Variants in CRTC1 observed in about 807,000 individuals in gnomAD.
The protein encoded by CRTC1 is CREB regulated transcription coactivator 1, also known as CREB-regulated transcription coactivator 1.
A neutral mutation model predicts 66.1 loss-of-function variants in CRTC1; 18 were observed. The observed-to-expected ratio is 0.27, with a 90% CI of 0.19 to 0.40. The LOEUF (loss-of-function observed/expected upper bound fraction) is 0.40, where lower values mean the gene tolerates loss of function less well. Among genes scored for constraint, CRTC1 ranks in the 10% least tolerant of loss-of-function variants. The probability of loss-of-function intolerance (pLI) is 1.00; values close to 1 mark genes in which losing one functional copy is unlikely to be tolerated. For synonymous variants in CRTC1, 416 were observed against 398.8 expected, an observed-to-expected ratio of 1.04 and a Z score of -0.51; for missense variants, 669 against 887.9, an observed-to-expected ratio of 0.75 and a Z score of 3.13.
intron 5 of CRTC1, among the ~76,000 whole-genome samples, chr19:18,751,949 A>G (rs56100221): frequency 0.19 from 29,528 of 151,946 alleles, 3,068 homozygotes; most frequent in Non-Finnish European, 0.23. Flanking sequence ...AGATTGCTTG[A>G]GATCAAGAGT....
rs752659232 is a variant in CRTC1 at position 18,760,213 on chromosome 19, G to C, written c.871G>C (p.Gly291Arg). The change falls in exon 8 of 14, where the codon GGT (glycine) becomes CGT (arginine). Residue 291 changes from glycine to arginine, a missense_variant. Around this residue, in one of 8 missense-constraint regions of CRTC1, gnomAD observed 241 missense variants for 242.2 expected, o/e 0.99. Transcript: ENST00000321949. This position sits in a 1 kb window ranked among gnomAD's most constrained non-coding sequence, Gnocchi z 6.2. ...GGCCAACCTGACGCACCTGGGCATC[G>C]GTGGCGCCGGCCAGGGTAAGGCAGG... ...LAANLTHLGI[G>R]GAGQGMSTPG... 2.5e-6 allele frequency: 4 copies of C among 1,605,070 alleles called. No homozygotes were observed. The African/African-American group carries it at 4.0e-5, about 16-fold the overall frequency.
intron 1 of CRTC1, among the ~76,000 whole-genome samples, chr19:18,723,414 C>T (rs2053672595): frequency 6.6e-6 from 1 of 152,216 alleles, no homozygotes; most frequent in Non-Finnish European, 1.5e-5. Context: ...TCCCATCTGC[C>T]TTAGCATCCT....
At chr19:18,749,756 T>C in intron 4 of CRTC1, 25 bp from the exon 5 acceptor site, 2 of 1,597,134 alleles carry the variant, frequency 1.3e-6, no homozygotes, top group Non-Finnish European at 1.7e-6. Flanking sequence ...CTGAGGCTCA[T>C]TGTCTCTTCC....
Position 18,768,474 on chromosome 19 carries a change from C to T in CRTC1, c.1012-11C>T, listed in dbSNP as rs767132259. On this transcript the variant is annotated splice_polypyrimidine_tract_variant and intron_variant, in intron 9 of 13. Coordinates refer to ENST00000321949, the MANE Select transcript of CRTC1 (RefSeq NM_015321.3). This position sits in a 1 kb window ranked among gnomAD's most constrained non-coding sequence, Gnocchi z 5.6. ...AGGGCCCGCCCTGCCTGACGCTCTC[C>T]TCTCCTGCAGGCTGTAGCCATGGAC... The T allele has an allele frequency of 2.5e-5, 40 of 1,606,980 alleles. No homozygotes were observed. Among genetic ancestry groups the T allele is most frequent in the Non-Finnish European group, 3.1e-5 (37 of 1,178,588 alleles).
At chr19:18,775,518 G>A (rs930585918) in intron 12 of CRTC1, 123 bp from the exon 13 acceptor site, 38 of 885,736 alleles carry the variant, frequency 4.3e-5, no homozygotes, top group Non-Finnish European at 6.1e-5. Flanking sequence ...CCTGGGTGCC[G>A]AGCATCCTGC....
intron 2 of CRTC1, chr19:18,744,204 C>T (rs769995235): frequency 1.3e-6 from 2 of 1,581,580 alleles, no homozygotes. Flanking sequence ...CGCCAGCCTG[C>T]AAGACCCCGA....
At chr19:18,708,739 G>A (rs1009571647) in intron 1 of CRTC1, among the ~76,000 whole-genome samples, 2 of 152,206 alleles carry the variant, frequency 1.3e-5, no homozygotes, top group Non-Finnish European at 2.9e-5. Flanking sequence ...GGCCGGCCTG[G>A]CCCTTCCCTT....
At chr19:18,686,555 A>C (rs952731206) in intron 1 of CRTC1, among the ~76,000 whole-genome samples, 3 of 152,158 alleles carry the variant, frequency 2.0e-5, no homozygotes, top group African/African-American at 7.2e-5. Context: ...GCTTAGACAG[A>C]AGAATCGCTT....
intron 1 of CRTC1, among the ~76,000 whole-genome samples, chr19:18,689,714 G>C (rs1444615169): frequency 1.3e-5 from 2 of 150,408 alleles, no homozygotes; most frequent in Non-Finnish European, 3.0e-5. Flanking sequence ...CATGGTGTGG[G>C]TCTACCCCGT....
At chr19:18,692,601 CAAAAA>C (rs36124401) in intron 1 of CRTC1, among the ~76,000 whole-genome samples, 1 of 124,006 alleles carries the variant, frequency 8.1e-6, no homozygotes. Context: ...AACTCTGTCT[CAAAAA>C]AAAAAAAAAA....
chr19:18,701,922 GTT>G (rs1173804936), intron 1 of CRTC1, among the ~76,000 whole-genome samples: 2 of 114,060 alleles, frequency 1.8e-5, no homozygotes, highest in East Asian at 2.6e-4. Flanking sequence ...CCACCGTTTT[GTT>G]TTTTTTTTTT....
At chr19:18,730,961 C>T (rs1034692407) in intron 1 of CRTC1, among the ~76,000 whole-genome samples, 1 of 84,688 alleles carries the variant, frequency 1.2e-5, no homozygotes, top group Non-Finnish European at 3.0e-5. Context: ...TTCCCTCCCT[C>T]CCTCCTTCCC....
chr19:18,710,362 C>A (rs1455875623), intron 1 of CRTC1, among the ~76,000 whole-genome samples: 1 of 152,206 alleles, frequency 6.6e-6, no homozygotes, highest in African/African-American at 2.4e-5. Context: ...TCCCGTCCTA[C>A]TGCCTGGGGG....
At chr19:18,740,454 A>T (rs945810583) in intron 1 of CRTC1, among the ~76,000 whole-genome samples, 12 of 152,160 alleles carry the variant, frequency 7.9e-5, no homozygotes, top group African/African-American at 2.9e-4. Flanking sequence ...GACCACCCTC[A>T]TGGCCAACCT....
intron 1 of CRTC1, among the ~76,000 whole-genome samples, chr19:18,725,381 C>G (rs538625061): frequency 6.6e-6 from 1 of 152,336 alleles, no homozygotes; most frequent in South Asian, 2.1e-4. Context: ...AATCCTTGCT[C>G]TCTGTCATCG....
At chr19:18,730,038 C>T (rs2053850008) in intron 1 of CRTC1, among the ~76,000 whole-genome samples, 1 of 152,150 alleles carries the variant, frequency 6.6e-6, no homozygotes, top group South Asian at 2.1e-4. Context: ...CATGCAGCTC[C>T]CCACACAGAT....
intron 1 of CRTC1, among the ~76,000 whole-genome samples, chr19:18,739,486 G>A (rs2054067399): frequency 6.6e-6 from 1 of 152,224 alleles, no homozygotes. Context: ...TGGAGGAGGT[G>A]CAGCAGCGTC....
chr19:18,749,893 G>A lies in CRTC1; in HGVS notation c.538+18G>A, dbSNP rs532671229. The A allele has an allele frequency of 5.0e-6, 8 of 1,604,772 alleles. No individual in the cohort carries two copies. Among genetic ancestry groups the A allele is most frequent in the Non-Finnish European group, 6.8e-6 (8 of 1,172,070 alleles). On this transcript the variant is annotated intron_variant, in intron 5 of 13. Coordinates refer to ENST00000321949, the MANE Select transcript of CRTC1 (RefSeq NM_015321.3). ...GAAAAGAGGTATGGACAGGGGACTC[G>A]GGTGTCTCTGCTGGGGTGAGGCAAG...
At chr19:18,774,221 G>A (rs968512592) in intron 11 of CRTC1, among the ~76,000 whole-genome samples, 1 of 152,160 alleles carries the variant, frequency 6.6e-6, no homozygotes, top group African/African-American at 2.4e-5. Context: ...CTTGGGGAGG[G>A]GCTCCGAGTG....
Sources: gnomAD v4.1 joint callset for allele counts (sites outside exome capture counted in the v4.1 genomes callset) on GRCh38, gnomAD v4.1.1 for gene constraint, gnomAD v4.1.1 regional missense constraint, Gnocchi (gnomAD v3.1) non-coding constraint, MANE v1.5 for transcripts, NCBI Gene and HGNC (gene_info 2026-07-23, HGNC 2026-07-21) for gene names.